DOCK2: variants seen among roughly 807,000 people sequenced by gnomAD.
The protein encoded by DOCK2 is dedicator of cytokinesis protein 2.
A neutral mutation model predicts 248.9 loss-of-function variants in DOCK2; 87 were observed. The observed-to-expected ratio is 0.35, with a 90% confidence interval of 0.29 to 0.42. The LOEUF (loss-of-function observed/expected upper bound fraction) is 0.42, where lower values mean the gene tolerates loss of function less well. Ranked by LOEUF, DOCK2 falls within the 10% of genes least tolerant of loss-of-function variation. The pLI is 1.00. For missense variants in DOCK2, 1,747 were observed against 2,300.2 expected, an observed-to-expected ratio of 0.76 and a Z score of 4.92; for synonymous variants, 805 against 821.6, an observed-to-expected ratio of 0.98 and a Z score of 0.35.
intron 34 of DOCK2, among the ~76,000 whole-genome samples, chr5:170,030,614 C>T (rs1756099461): frequency 6.6e-6 from 1 of 152,194 alleles, no homozygotes; most frequent in Non-Finnish European, 1.5e-5. Flanking sequence ...AATCCAAAAT[C>T]CAGAATGCTC....
chr5:169,674,540 A>AT lies in DOCK2; in HGVS notation c.470+99dup, dbSNP rs1759224770. On this transcript the variant is annotated intron_variant, in intron 6 of 51. Transcript: ENST00000520908. ...AAGCTTGTTTTCATTTTTAGATGCAATTTTGTCACTTTCTGTTTGGGAGAA... is the reference window on the plus strand; with the variant it reads ...AAGCTTGTTTTCATTTTTAGATGCAATTTTTGTCACTTTCTGTTTGGGAGAA... 7.8e-6 allele frequency: 12 copies of AT among 1,541,374 alleles called. No homozygotes were observed. In the South Asian group the frequency reaches 1.5e-4, roughly 19 times the overall value.
At chr5:170,040,860 G>A (rs1390384396) in intron 36 of DOCK2, 195 bp from the exon 37 acceptor site, 1 of 499,718 alleles carries the variant, frequency 2.0e-6, no homozygotes, top group Non-Finnish European at 3.4e-6. Context: ...AGTTAACTTA[G>A]TACCTGTCAT....
At chr5:170,025,760 TTCCC>T (rs1294992581) in intron 33 of DOCK2, among the ~76,000 whole-genome samples, 93 of 145,208 alleles carry the variant, frequency 6.4e-4, no homozygotes, top group Middle Eastern at 7.2e-3. Context: ...TAGGTGTCTG[TTCCC>T]TCCCTCCCTC....
intron 27 of DOCK2, among the ~76,000 whole-genome samples, chr5:169,844,569 C>G (rs1269442084): frequency 1.3e-5 from 2 of 152,220 alleles, no homozygotes; most frequent in African/African-American, 4.8e-5. Flanking sequence ...TGTACCACTT[C>G]ACATTCCCCC....
intron 30 of DOCK2, among the ~76,000 whole-genome samples, chr5:169,996,785 C>A (rs1169763838): frequency 6.6e-6 from 1 of 152,174 alleles, no homozygotes; most frequent in Admixed American, 6.5e-5. Flanking sequence ...AGGGAAGTCT[C>A]CGATCCCTAG....
chr5:170,032,352 G>C (rs1166560763), intron 34 of DOCK2, among the ~76,000 whole-genome samples: 1 of 152,082 alleles, frequency 6.6e-6, no homozygotes, highest in African/African-American at 2.4e-5. Context: ...TTAGTTCCAT[G>C]TTGGAATCTC....
chr5:169,813,838 G>A (rs1767900980), intron 26 of DOCK2, among the ~76,000 whole-genome samples: 1 of 152,146 alleles, frequency 6.6e-6, no homozygotes, highest in Non-Finnish European at 1.5e-5. Flanking sequence ...GTAGGTGAGG[G>A]GTGGGGACAA....
At chr5:170,066,538 C>T (rs1757500679) in intron 44 of DOCK2, among the ~76,000 whole-genome samples, 1 of 152,148 alleles carries the variant, frequency 6.6e-6, no homozygotes, top group South Asian at 2.1e-4. Context: ...CATTTTAGAT[C>T]GTAATGGACC....
chr5:169,765,751 A>G (rs1430031868), intron 25 of DOCK2, among the ~76,000 whole-genome samples: 3 of 152,188 alleles, frequency 2.0e-5, no homozygotes, highest in African/African-American at 7.2e-5. Flanking sequence ...GACACCTGAC[A>G]GAGATTTGGA....
At chr5:169,987,761 G>T (rs2113789990) in intron 29 of DOCK2, among the ~76,000 whole-genome samples, 1 of 152,258 alleles carries the variant, frequency 6.6e-6, no homozygotes, top group East Asian at 1.9e-4. Context: ...TAATACATTG[G>T]AAATCTCTCC....
intron 30 of DOCK2, among the ~76,000 whole-genome samples, chr5:170,002,190 A>T (rs1754858743): frequency 2.6e-5 from 4 of 152,124 alleles, no homozygotes; most frequent in Admixed American, 2.6e-4. Flanking sequence ...TTTCCCATGC[A>T]TAAAGATGTT....
rs945792477 is a variant in DOCK2, at chr5:170,042,718, C to T, written c.3876+586C>T. ...ATGCTAGGGAGGCCTTCCCTGACCA[C>T]CACTAGGCAAACCAGCAGCACCACT... On this transcript the variant is annotated intron_variant, in intron 38 of 51. Transcript: ENST00000520908. 3.9e-5 allele frequency among the ~76,000 whole-genome samples: 6 copies of T among 152,340 alleles called. No individual in the cohort carries two copies. The East Asian group carries it at 1.2e-3, about 29-fold the overall frequency.
chr5:169,835,099 T>C (rs1034371807), intron 26 of DOCK2, among the ~76,000 whole-genome samples: 6 of 152,138 alleles, frequency 3.9e-5, no homozygotes, highest in African/African-American at 1.4e-4. Flanking sequence ...GAATCCATCA[T>C]AGTTTACAAC....
chr5:169,783,319 T>TA (rs1765812243), intron 25 of DOCK2, among the ~76,000 whole-genome samples: 1 of 152,204 alleles, frequency 6.6e-6, no homozygotes, highest in South Asian at 2.1e-4. Context: ...ATGATCTCCT[T>TA]ACCAAAGTCT....
intron 32 of DOCK2, among the ~76,000 whole-genome samples, chr5:170,014,115 A>G (rs1278706470): frequency 6.6e-6 from 1 of 152,126 alleles, no homozygotes; most frequent in African/African-American, 2.4e-5. Flanking sequence ...GGCAGATATT[A>G]CAAGGGAGCA....
chr5:170,052,511 A>T (rs181014990), intron 41 of DOCK2, among the ~76,000 whole-genome samples: 1 of 152,280 alleles, frequency 6.6e-6, no homozygotes, highest in East Asian at 1.9e-4. Context: ...TTTTCTTGAG[A>T]CTGAGGGCTT....
intron 1 of DOCK2, among the ~76,000 whole-genome samples, chr5:169,654,140 T>C (rs756272842): frequency 6.6e-6 from 1 of 152,238 alleles, no homozygotes; most frequent in African/African-American, 2.4e-5. Context: ...GGACAGTCCA[T>C]AGTAAATAGC....
At chr5:170,058,059 T>G (rs1757198579) in intron 44 of DOCK2, among the ~76,000 whole-genome samples, 1 of 152,170 alleles carries the variant, frequency 6.6e-6, no homozygotes, top group Non-Finnish European at 1.5e-5. Context: ...GAATCCATTT[T>G]ATAGTTGGAA....
At chr5:169,925,016 GTAATTAAA>G (rs986550649) in intron 27 of DOCK2, among the ~76,000 whole-genome samples, 2 of 152,124 alleles carry the variant, frequency 1.3e-5, no homozygotes, top group African/African-American at 4.8e-5. Flanking sequence ...ATTGACTCAA[GTAATTAAA>G]TCATCAATAA....
Sources: gnomAD v4.1 joint callset for allele counts (sites outside exome capture counted in the v4.1 genomes callset) on GRCh38, gnomAD v4.1.1 for gene constraint, MANE v1.5 for transcripts, NCBI Gene and HGNC (gene_info 2026-07-23, HGNC 2026-07-21) for gene names.